Variants in C1QTNF7 observed in about 807,000 individuals in gnomAD.
C1QTNF7 encodes the protein C1q and TNF related 7.
In C1QTNF7, 15 loss-of-function variants were observed where a neutral mutation model predicts 19.6. The ratio of observed to expected loss-of-function variants is 0.76; its 90% CI spans 0.51 to 1.18. The LOEUF (loss-of-function observed/expected upper bound fraction) is 1.18. Ranked by LOEUF, C1QTNF7 falls within the 50% of genes most tolerant of loss-of-function variation. The pLI, the probability that C1QTNF7 is intolerant of heterozygous loss-of-function variation, is 0.00. For missense variants in C1QTNF7, 324 were observed against 359.7 expected, an observed-to-expected ratio of 0.90 and a Z score of 0.80; for synonymous variants, 142 against 137.5, an observed-to-expected ratio of 1.03 and a Z score of -0.23.
At chr4:15,360,869 A>G (rs1211188454) in intron 1 of C1QTNF7, among the ~76,000 whole-genome samples, 1 of 152,172 alleles carries the variant, frequency 6.6e-6, no homozygotes, top group Non-Finnish European at 1.5e-5. Context: ...ACACTTACCT[A>G]CCAGAAATAG....
intron 1 of C1QTNF7, among the ~76,000 whole-genome samples, chr4:15,345,805 C>G (rs1716697139): frequency 1.3e-5 from 2 of 152,190 alleles, no homozygotes; most frequent in African/African-American, 2.4e-5. Flanking sequence ...TTAATAGTGT[C>G]TTTTTGTTAA....
At chr4:15,413,327 T>C (rs1222646537) in intron 1 of C1QTNF7, among the ~76,000 whole-genome samples, 1 of 152,176 alleles carries the variant, frequency 6.6e-6, no homozygotes, top group Non-Finnish European at 1.5e-5. Context: ...TAGCTCTGAG[T>C]AGAGGCCAGG....
rs776685145 is a variant in C1QTNF7, at chr4:15,445,760, A to G, written c.*2961A>G. ...TTAAAAAGTTCCAAGTCTCATTGCA[A>G]TCATTCTTTGTAAAGGCTGACTTGT... On this transcript the variant is annotated 3_prime_UTR_variant, in exon 3 of 3. Transcript: ENST00000444304. 1.4e-4 allele frequency: 21 copies of G among 152,266 alleles called. No homozygotes were observed. Among genetic ancestry groups the G allele is most frequent in the Non-Finnish European group, 2.6e-4 (18 of 68,050 alleles). 9.4% of individuals were successfully genotyped at this position (152,266 alleles called of 1,614,324 possible).
intron 1 of C1QTNF7, among the ~76,000 whole-genome samples, chr4:15,366,620 A>G (rs1351754899): frequency 6.8e-6 from 1 of 146,674 alleles, no homozygotes; most frequent in South Asian, 2.2e-4. Flanking sequence ...TTTCCTTCCA[A>G]TCTTTCTCCC....
At chr4:15,379,360 G>A (rs979004682) in intron 1 of C1QTNF7, among the ~76,000 whole-genome samples, 7 of 152,060 alleles carry the variant, frequency 4.6e-5, no homozygotes, top group Non-Finnish European at 1.0e-4. Flanking sequence ...CAGAGAAGGG[G>A]AAAAAAGAAC....
chr4:15,414,263 C>A (rs978067037), intron 1 of C1QTNF7, among the ~76,000 whole-genome samples: 5 of 152,272 alleles, frequency 3.3e-5, no homozygotes, highest in South Asian at 2.1e-4. Flanking sequence ...AGGGAGAGAA[C>A]AACAAACAAA....
chr4:15,364,880 C>T (rs907920446), intron 1 of C1QTNF7, among the ~76,000 whole-genome samples: 1 of 152,126 alleles, frequency 6.6e-6, no homozygotes, highest in Non-Finnish European at 1.5e-5. Context: ...TGGGAATGGT[C>T]TCTCTGAACA....
intron 1 of C1QTNF7, among the ~76,000 whole-genome samples, chr4:15,375,765 C>G (rs1354912654): frequency 1.3e-5 from 2 of 152,158 alleles, no homozygotes; most frequent in African/African-American, 4.8e-5. Flanking sequence ...GACCCCACAC[C>G]CTCAGCCTGG....
intron 1 of C1QTNF7, among the ~76,000 whole-genome samples, chr4:15,356,045 C>T (rs1398059276): frequency 6.6e-6 from 1 of 151,672 alleles, no homozygotes; most frequent in Non-Finnish European, 1.5e-5. Flanking sequence ...CCAAGTTGCC[C>T]AGGCTTGGTA....
intron 1 of C1QTNF7, among the ~76,000 whole-genome samples, chr4:15,353,229 T>C (rs1716996233): frequency 6.6e-6 from 1 of 152,164 alleles, no homozygotes; most frequent in Non-Finnish European, 1.5e-5. Flanking sequence ...ACATTTTGTG[T>C]TGCCTTTTAA....
rs61609914 is a variant in C1QTNF7 at position 15,420,826 on chromosome 4, C to CTTTTTTTTTTT, written c.14-14891_14-14881dup. On this transcript the variant is annotated intron_variant, in intron 1 of 2. Coordinates refer to the C1QTNF7 transcript ENST00000295297. ...CTAGGGTAACATTCCACTGCTTTGT[C>CTTTTTTTTTTT]TTTTTTTTTTTTTTTTTTTTTTTTT... is the stretch of plus-strand genomic sequence containing the variant. Among the ~76,000 whole-genome samples the CTTTTTTTTTTT allele has an allele frequency of 1.4e-3, 92 of 66,232 alleles. 10 individuals carry two copies. Among genetic ancestry groups the CTTTTTTTTTTT allele is most frequent in the Middle Eastern group, 0.018 (1 of 56 alleles). 43.5% of individuals were successfully genotyped at this position (66,232 alleles called of 152,430 possible). A position where few individuals can be genotyped will look rare whatever the true frequency, so the allele number is the denominator to read the frequency against.
intron 1 of C1QTNF7, among the ~76,000 whole-genome samples, chr4:15,415,046 C>T (rs1252826698): frequency 6.6e-6 from 1 of 152,242 alleles, no homozygotes; most frequent in Non-Finnish European, 1.5e-5. Flanking sequence ...GATTAATAGA[C>T]ATGCTGAAAG....
intron 2 of C1QTNF7, among the ~76,000 whole-genome samples, chr4:15,436,883 T>C (rs1261721401): frequency 6.6e-6 from 1 of 152,218 alleles, no homozygotes; most frequent in African/African-American, 2.4e-5. Flanking sequence ...TTACTGGAGT[T>C]CTGTAAAACA....
At chr4:15,433,086 A>T (rs1487542062) in intron 1 of C1QTNF7, among the ~76,000 whole-genome samples, 1 of 152,126 alleles carries the variant, frequency 6.6e-6, no homozygotes, top group Non-Finnish European at 1.5e-5. Flanking sequence ...ACTTCTCTGC[A>T]GTTGCTTTCA....
chr4:15,437,771 A>G (rs771515412), intron 2 of C1QTNF7, among the ~76,000 whole-genome samples: 9 of 152,190 alleles, frequency 5.9e-5, no homozygotes, highest in Non-Finnish European at 1.3e-4. Context: ...TGGGTAGAAT[A>G]ATTATTTACC....
chr4:15,431,283 T>C (rs1441923469), intron 1 of C1QTNF7, among the ~76,000 whole-genome samples: 1 of 152,046 alleles, frequency 6.6e-6, no homozygotes, highest in Non-Finnish European at 1.5e-5. Context: ...TAAATACTCA[T>C]ATGGAAACTA....
At chr4:15,436,082 C>T in intron 2 of C1QTNF7, 101 bp downstream of exon 2, 1 of 1,462,354 alleles carries the variant, frequency 6.8e-7, no homozygotes, top group Non-Finnish European at 9.1e-7. Context: ...CTCCTTAAAC[C>T]CCTTCTGTAC....
intron 1 of C1QTNF7, 118 bp from the exon 2 acceptor site, chr4:15,435,618 G>A (rs1048143446): frequency 2.1e-5 from 30 of 1,407,608 alleles, no homozygotes; most frequent in Admixed American, 1.1e-4. Context: ...CTGGAAAGAC[G>A]AACACTGGAG....
chr4:15,403,592 A>G (rs1719073457), intron 1 of C1QTNF7, among the ~76,000 whole-genome samples: 1 of 152,032 alleles, frequency 6.6e-6, no homozygotes, highest in Admixed American at 6.6e-5. Flanking sequence ...TTTTCTCAGG[A>G]TACATTGGAT....
Sources: gnomAD v4.1 joint callset for allele counts (sites outside exome capture counted in the v4.1 genomes callset) on GRCh38, gnomAD v4.1.1 for gene constraint, MANE v1.5 for transcripts, NCBI Gene and HGNC (gene_info 2026-07-23, HGNC 2026-07-21) for gene names.